UGT1A10: variants seen among roughly 807,000 people sequenced by gnomAD.
UGT1A10 encodes UDP-glucuronosyltransferase 1A10.
In UGT1A10, 49 loss-of-function variants were observed where a neutral mutation model predicts 45.8. The observed-to-expected ratio is 1.07, with a 90% confidence interval of 0.85 to 1.36. The LOEUF (loss-of-function observed/expected upper bound fraction) is 1.36, where lower values mean the gene tolerates loss of function less well. UGT1A10 is among the 40% of genes most tolerant of loss of function. The pLI is 0.00. For synonymous variants in UGT1A10, 284 were observed against 249.7 expected (o/e 1.14, Z -1.29); for missense variants, 745 against 668.6 (o/e 1.11, Z -1.26).
intron 1 of UGT1A10, among the ~76,000 whole-genome samples, chr2:233,764,582 C>G (rs1698598624): frequency 6.6e-6 from 1 of 152,122 alleles, no homozygotes; most frequent in South Asian, 2.1e-4. Context: ...TAGACTCGGC[C>G]TTTTCCAGAT....
At chr2:233,761,797 A>G (rs570450259) in intron 1 of UGT1A10, among the ~76,000 whole-genome samples, 2 of 152,324 alleles carry the variant, frequency 1.3e-5, no homozygotes, top group South Asian at 2.1e-4. Context: ...TCAGCAGAGG[A>G]TAGAAAAGAA....
chr2:233,693,455 C>A, intron 1 of UGT1A10: 1 of 1,614,054 alleles, frequency 6.2e-7, no homozygotes. Flanking sequence ...TTTCACAGAC[C>A]CAGCCTTACC....
In UGT1A10 at chr2:233,772,647, T is replaced by C. The variant is rs1430291963; in HGVS notation, c.*88T>C. 7 of 1,549,866 alleles carry C rather than the reference T, an allele frequency of 4.5e-6. No homozygotes were observed. In the African/African-American group the frequency reaches 5.5e-5, roughly 12 times the overall value. On this transcript the variant is annotated 3_prime_UTR_variant, in exon 5 of 5. Transcript: ENST00000344644. ...CAGAATCAGTGTTAAATTCATTTTATTCTTATTAAGGAAATACTTTGCATA... is the reference window on the plus strand; with the variant it reads ...CAGAATCAGTGTTAAATTCATTTTACTCTTATTAAGGAAATACTTTGCATA...
intron 1 of UGT1A10, chr2:233,755,457 C>G: frequency 1.4e-5 from 4 of 284,208 alleles, no homozygotes; most frequent in Non-Finnish European, 2.8e-5. Context: ...TGGGACTGGC[C>G]CTGCTCTCTG....
At chr2:233,763,992 G>T (rs1053097795) in intron 1 of UGT1A10, among the ~76,000 whole-genome samples, 85 of 152,324 alleles carry the variant, frequency 5.6e-4, no homozygotes, top group Non-Finnish European at 2.2e-4. Flanking sequence ...AATGCGTGAT[G>T]GTGAAGTCAC....
intron 1 of UGT1A10, among the ~76,000 whole-genome samples, chr2:233,732,486 A>G (rs780972639): frequency 6.6e-6 from 1 of 152,226 alleles, no homozygotes; most frequent in Non-Finnish European, 1.5e-5. Context: ...TAATTTTTGT[A>G]TAAGGCGTAA....
intron 1 of UGT1A10, chr2:233,690,977 C>A: frequency 1.0e-6 from 1 of 1,000,132 alleles, no homozygotes; most frequent in Non-Finnish European, 1.2e-6. Flanking sequence ...AAGAACAGGA[C>A]CCACATATGA....
chr2:233,654,975 T>G (rs1352614185), intron 1 of UGT1A10, among the ~76,000 whole-genome samples: 1 of 151,912 alleles, frequency 6.6e-6, no homozygotes, highest in Non-Finnish European at 1.5e-5. Context: ...TCTGTAATCA[T>G]AGCTACTCGA....
At chr2:233,664,292 C>A (rs2074032464) in intron 1 of UGT1A10, among the ~76,000 whole-genome samples, 1 of 152,188 alleles carries the variant, frequency 6.6e-6, no homozygotes, top group African/African-American at 2.4e-5. Flanking sequence ...GCCCTCCAAA[C>A]TCTTCAAACG....
chr2:233,682,269 G>A, intron 1 of UGT1A10: 2 of 1,614,172 alleles, frequency 1.2e-6, no homozygotes, highest in Non-Finnish European at 1.7e-6. Flanking sequence ...CTATTAACAA[G>A]TTCATCCAAT....
chr2:233,675,824 C>A (rs1357626629), intron 1 of UGT1A10, among the ~76,000 whole-genome samples: 2 of 151,922 alleles, frequency 1.3e-5, no homozygotes, highest in Non-Finnish European at 2.9e-5. Flanking sequence ...CATGTCATTC[C>A]ATCACTGAAC....
At chr2:233,719,673 A>T (rs770674662) in intron 1 of UGT1A10, 1 of 1,614,074 alleles carries the variant, frequency 6.2e-7, no homozygotes, top group Admixed American at 1.7e-5. Context: ...TGCCAACGGG[A>T]AGCCACTATC....
At position 233,671,971 on chromosome 2, in the gene UGT1A10, T is replaced by G. The variant is rs199516931; in HGVS notation, c.855+34594T>G. The G allele has an allele frequency of 4.3e-6, 7 of 1,613,872 alleles. No individual in the cohort carries two copies. The East Asian group carries it at 1.6e-4, about 36-fold the overall frequency. ...AGGGTGGACCAGCCCCCTTCCTCTA[T>G]GTGTGTGTCTGCTGCTGACCTGTGG... On this transcript the variant is annotated intron_variant, in intron 1 of 4. Coordinates refer to ENST00000344644, the MANE Select transcript of UGT1A10 (RefSeq NM_019075.4).
At chr2:233,727,361 G>A (rs2077609181) in intron 1 of UGT1A10, among the ~76,000 whole-genome samples, 1 of 152,128 alleles carries the variant, frequency 6.6e-6, no homozygotes, top group Admixed American at 6.5e-5. Flanking sequence ...TATCCTTAGG[G>A]CCCCTAGGTC....
At chr2:233,668,715 C>G (rs543159385) in intron 1 of UGT1A10, among the ~76,000 whole-genome samples, 73 of 152,326 alleles carry the variant, frequency 4.8e-4, no homozygotes, top group African/African-American at 1.7e-3. Flanking sequence ...TCTCTAGCAC[C>G]TATGTACATT....
rs1699307451 is a variant in UGT1A10, at chr2:233,767,015, A to G, written c.856-19A>G. The G allele has an allele frequency of 6.2e-7, 1 of 1,613,760 alleles. No homozygotes were observed. Among genetic ancestry groups the G allele is most frequent in the South Asian group, 1.1e-5 (1 of 90,990 alleles). On this transcript the variant is annotated intron_variant, in intron 1 of 4. Transcript: ENST00000344644. The stretch of plus-strand genomic sequence containing the variant: ...GAATATGAGAAAAAATTAACTGAAA[A>G]TTTTTCTTCTGGCTCTAGGAATTTG...
chr2:233,690,756 GACATACACACAC>G (rs1356339532), intron 1 of UGT1A10: 2 of 1,079,164 alleles, frequency 1.9e-6, no homozygotes, highest in African/African-American at 4.9e-5. Flanking sequence ...GTCCAGTGCA[GACATACACACAC>G]ACACACATAC....
chr2:233,737,919 T>C (rs1472023706), intron 1 of UGT1A10, among the ~76,000 whole-genome samples: 1 of 152,102 alleles, frequency 6.6e-6, no homozygotes, highest in African/African-American at 2.4e-5. Flanking sequence ...CAGGCTAGTG[T>C]ATTTAGTAGT....
At position 233,752,253 on chromosome 2, in the gene UGT1A10, G is replaced by A. The variant is rs182159000; in HGVS notation, c.856-14781G>A. ...TTGGTTTTTTGGACCCTACTGTGAT[G>A]GTCACAGGACTCCAGGTCTCTTGGG... On this transcript the variant is annotated intron_variant, in intron 1 of 4. Coordinates refer to ENST00000344644, the MANE Select transcript of UGT1A10 (RefSeq NM_019075.4). 1.2e-3 allele frequency: 184 copies of A among 152,284 alleles called. 1 individual carries two copies. Among genetic ancestry groups the A allele is most frequent in the African/African-American group, 4.2e-3 (173 of 41,564 alleles). 9.4% of individuals were successfully genotyped at this position (152,284 alleles called of 1,614,324 possible).
Sources: allele counts gnomAD v4.1 joint callset (sites outside exome capture counted in the v4.1 genomes callset), GRCh38; gene constraint gnomAD v4.1.1; transcripts MANE v1.5; gene names NCBI Gene and HGNC (gene_info 2026-07-23, HGNC 2026-07-21).